ZNF536: variants seen among roughly 807,000 people sequenced by gnomAD.
The protein encoded by ZNF536 is zinc finger protein 536.
A neutral mutation model predicts 84.5 loss-of-function variants in ZNF536; 13 were observed. That is an observed-to-expected ratio of 0.15 (90% CI 0.10 to 0.24). The LOEUF (loss-of-function observed/expected upper bound fraction) is 0.24. ZNF536 is among the 10% of genes least tolerant of loss of function. The pLI is 1.00. For synonymous variants in ZNF536, 811 were observed against 742.5 expected, an observed-to-expected ratio of 1.09 and a Z score of -1.50; for missense variants, 1,536 against 1,747.5, an observed-to-expected ratio of 0.88 and a Z score of 2.16.
intron 1 of ZNF536, among the ~76,000 whole-genome samples, chr19:30,390,492 G>A (rs936340119): frequency 1.3e-5 from 2 of 152,192 alleles, no homozygotes; most frequent in South Asian, 4.1e-4. Context: ...TGGAGGGGCT[G>A]AAGTGAGTAC....
At chr19:30,271,384 A>G (rs1186630112) in intron 1 of ZNF536, among the ~76,000 whole-genome samples, 1 of 134,562 alleles carries the variant, frequency 7.4e-6, no homozygotes, top group Non-Finnish European at 1.5e-5. Flanking sequence ...TCTTGTTGCT[A>G]TATAATCACA....
Position 30,444,826 on chromosome 19 carries a change from G to T in ZNF536, c.1264G>T (p.Ala422Ser), listed in dbSNP as rs1391146838. The T allele has an allele frequency of 9.9e-6, 16 of 1,613,636 alleles. No homozygotes were observed. Among genetic ancestry groups the T allele is most frequent in the Middle Eastern group, 1.6e-4 (1 of 6,084 alleles). Residue 422 changes from alanine to serine, a missense_variant, in exon 2 of 5, where the codon GCC becomes TCC. Physicochemically the swap from Ala to Ser is moderately conservative, Grantham distance 99. Transcript: ENST00000355537. ...GCCCATGGGCGGCATGTCCCAGGAG[G>T]CCCACGCCAACCTGTACTCCAGGTA... ...PVPMGGMSQE[A>S]HANLYSRYLS...
intron 1 of ZNF536, among the ~76,000 whole-genome samples, chr19:30,281,323 C>T (rs2045435796): frequency 1.3e-5 from 2 of 152,192 alleles, no homozygotes; most frequent in South Asian, 4.1e-4. Flanking sequence ...CCCTGCAAAC[C>T]TTCTCACTCC....
At chr19:30,672,164 T>C (rs1447322294) in intron 1 of ZNF536, among the ~76,000 whole-genome samples, 1 of 152,164 alleles carries the variant, frequency 6.6e-6, no homozygotes, top group Admixed American at 6.5e-5. Flanking sequence ...AGACAGAAAA[T>C]AGCTTCCCCT....
intron 2 of ZNF536, among the ~76,000 whole-genome samples, chr19:30,509,529 G>T (rs921323259): frequency 6.8e-6 from 1 of 147,924 alleles, no homozygotes; most frequent in South Asian, 2.1e-4. Context: ...TTTATATATA[G>T]TAACATATAT....
At chr19:30,539,401 C>T (rs1039911873) in intron 3 of ZNF536, among the ~76,000 whole-genome samples, 7 of 152,184 alleles carry the variant, frequency 4.6e-5, no homozygotes, top group Non-Finnish European at 8.8e-5. Flanking sequence ...AGAGGGCCAC[C>T]TTCTTTACTC....
intron 1 of ZNF536, among the ~76,000 whole-genome samples, chr19:30,653,273 G>T (rs939645721): frequency 3.3e-5 from 5 of 152,180 alleles, no homozygotes; most frequent in African/African-American, 7.2e-5. Context: ...GGTCATGGCT[G>T]TGCTGCTGAT....
At chr19:30,251,239 C>T (rs1057015533) in intron 1 of ZNF536, among the ~76,000 whole-genome samples, 2 of 152,004 alleles carry the variant, frequency 1.3e-5, no homozygotes, top group Non-Finnish European at 2.9e-5. Context: ...CTGGGGCCAA[C>T]GAGAAACCAT....
intron 1 of ZNF536, among the ~76,000 whole-genome samples, chr19:30,397,964 A>G (rs1477279878): frequency 6.6e-6 from 1 of 152,250 alleles, no homozygotes; most frequent in Non-Finnish European, 1.5e-5. Flanking sequence ...AAAATAGCCC[A>G]TGATTTTAAA....
intron 1 of ZNF536, among the ~76,000 whole-genome samples, chr19:30,610,124 GC>G (rs1270963671): frequency 6.6e-6 from 1 of 152,204 alleles, no homozygotes; most frequent in Non-Finnish European, 1.5e-5. Flanking sequence ...CACATCCCCA[GC>G]CCTCAGAAAC....
chr19:30,612,951 G>A (rs2048152960), intron 1 of ZNF536, among the ~76,000 whole-genome samples: 1 of 152,188 alleles, frequency 6.6e-6, no homozygotes, highest in Non-Finnish European at 1.5e-5. Context: ...ACGTGGGGCG[G>A]TTTCTTCGTC....
In ZNF536 at chr19:30,282,298, C is replaced by G. The variant is rs116770209; in HGVS notation, c.-189-1774C>G. 3.2e-3 allele frequency among the ~76,000 whole-genome samples: 487 copies of G among 152,370 alleles called. 1 individual carries two copies. The highest frequency in any genetic ancestry group is 0.011 in the African/African-American group (461 of 41,590). ...GGTCAGACACCCTTGCATAAGCCCA[C>G]TAATCTGTTGGAAGAGCACAGCCTC... On this transcript the variant is annotated intron_variant, in intron 1 of 5. Coordinates refer to the ZNF536 transcript ENST00000585628.
intron 1 of ZNF536, among the ~76,000 whole-genome samples, chr19:30,577,401 A>C (rs1007059072): frequency 6.6e-6 from 1 of 152,228 alleles, no homozygotes; most frequent in African/African-American, 2.4e-5. Context: ...CAGAGAAGTC[A>C]GTTCATTAGT....
At chr19:30,649,258 T>C (rs1193676388) in intron 1 of ZNF536, among the ~76,000 whole-genome samples, 1 of 152,212 alleles carries the variant, frequency 6.6e-6, no homozygotes, top group Non-Finnish European at 1.5e-5. Flanking sequence ...TGTCATTTAA[T>C]AGACCTAAAA....
chr19:30,235,323 A>G (rs951078920), intron 1 of ZNF536, among the ~76,000 whole-genome samples: 30 of 152,080 alleles, frequency 2.0e-4, no homozygotes, highest in Non-Finnish European at 7.4e-5. Context: ...CCTTGTTTGC[A>G]CTCCTGCCTC....
intron 1 of ZNF536, among the ~76,000 whole-genome samples, chr19:30,675,242 C>T (rs759446719): frequency 1.2e-4 from 19 of 152,168 alleles, no homozygotes; most frequent in Admixed American, 1.2e-3. Context: ...AGCAACCACT[C>T]GTCTCTGTTT....
chr19:30,490,736 C>A (rs2054475394), intron 2 of ZNF536, among the ~76,000 whole-genome samples: 1 of 152,184 alleles, frequency 6.6e-6, no homozygotes, highest in Non-Finnish European at 1.5e-5. Flanking sequence ...GGTCCACTAC[C>A]AGGAAATGTC....
At position 30,432,006 on chromosome 19, in the gene ZNF536, T is replaced by C. The variant is rs199931982; in HGVS notation, c.-2-11555T>C. Among the ~76,000 whole-genome samples the C allele has an allele frequency of 3.6e-3, 524 of 146,008 alleles. 9 individuals are homozygous for C. The highest frequency in any genetic ancestry group is 0.012 in the African/African-American group (473 of 39,050). ...TTCATTAAAAGCATATATATATATATACACACACACATACACACACACACA... is the reference window on the plus strand; with the variant it reads ...TTCATTAAAAGCATATATATATATACACACACACACATACACACACACACA... On this transcript the variant is annotated intron_variant, in intron 1 of 4. Coordinates refer to ENST00000355537, the MANE Select transcript of ZNF536 (RefSeq NM_014717.3).
At chr19:30,380,913 G>A (rs373300926) in intron 1 of ZNF536, among the ~76,000 whole-genome samples, 2 of 152,064 alleles carry the variant, frequency 1.3e-5, no homozygotes, top group South Asian at 2.1e-4. Flanking sequence ...GGCTCACTCT[G>A]TCACCCAGGC....
Sources: allele counts gnomAD v4.1 joint callset (sites outside exome capture counted in the v4.1 genomes callset), GRCh38; gene constraint gnomAD v4.1.1; transcripts MANE v1.5; gene names NCBI Gene and HGNC (gene_info 2026-07-23, HGNC 2026-07-21).